LGSN: variants seen among roughly 807,000 people sequenced by gnomAD.
LGSN encodes the protein lengsin.
A neutral mutation model predicts 19.5 loss-of-function variants in LGSN; 21 were observed. The ratio of observed to expected loss-of-function variants is 1.07; its 90% confidence interval spans 0.76 to 1.55. The LOEUF (loss-of-function observed/expected upper bound fraction) is 1.55, where lower values mean the gene tolerates loss of function less well. LGSN is among the 40% of genes most tolerant of loss of function. The pLI is 0.00. For missense variants in LGSN, 673 were observed against 608.5 expected (o/e 1.11, Z -1.12); for synonymous variants, 257 against 215.6 (o/e 1.19, Z -1.68).
At chr6:63,540,071 C>T in the LGSN span, among the ~76,000 whole-genome samples, 2,262 of 152,216 alleles carry the variant, frequency 0.015, 46 homozygotes, top group African/African-American at 0.051. Flanking sequence ...TAGCTATGCA[C>T]CATGCCCCTG....
At chr6:63,495,697 G>A in the LGSN span, among the ~76,000 whole-genome samples, 3 of 151,752 alleles carry the variant, frequency 2.0e-5, no homozygotes, top group Admixed American at 1.3e-4. Flanking sequence ...AGATCTGCCC[G>A]TCTTAGCCTA....
At chr6:63,363,068 A>G in the LGSN span, among the ~76,000 whole-genome samples, 2 of 152,218 alleles carry the variant, frequency 1.3e-5, no homozygotes, top group African/African-American at 2.4e-5. Context: ...TCTGATAGTG[A>G]TACCCAGGCA....
At chr6:63,486,141 A>C in the LGSN span, among the ~76,000 whole-genome samples, 4 of 152,196 alleles carry the variant, frequency 2.6e-5, no homozygotes, top group African/African-American at 9.7e-5. Context: ...ATTATTGACA[A>C]AACTAATAAA....
At chr6:63,463,149 C>G in the LGSN span, among the ~76,000 whole-genome samples, 1 of 152,168 alleles carries the variant, frequency 6.6e-6, no homozygotes, top group Admixed American at 6.6e-5. Flanking sequence ...CTTAACCTCT[C>G]TGTATCTCTG....
At chr6:63,346,589 T>G in the LGSN span, among the ~76,000 whole-genome samples, 1 of 152,090 alleles carries the variant, frequency 6.6e-6, no homozygotes, top group African/African-American at 2.4e-5. Context: ...GCCACTCTAG[T>G]AAATGATTAA....
chr6:63,373,889 G>A, the LGSN span, among the ~76,000 whole-genome samples: 2 of 151,908 alleles, frequency 1.3e-5, no homozygotes, highest in Non-Finnish European at 2.9e-5. Flanking sequence ...GAGCCAAGAT[G>A]GGGCCACTGC....
At chr6:63,290,381 T>C (rs1767719768) in intron 2 of LGSN, among the ~76,000 whole-genome samples, 1 of 152,230 alleles carries the variant, frequency 6.6e-6, no homozygotes, top group Admixed American at 6.5e-5. Flanking sequence ...AATCCCTCTC[T>C]CTTTTGTAGC....
At chr6:63,411,909 A>G in the LGSN span, among the ~76,000 whole-genome samples, 2 of 152,206 alleles carry the variant, frequency 1.3e-5, no homozygotes, top group African/African-American at 4.8e-5. Flanking sequence ...TATTCAATGA[A>G]CATTTCGCAA....
the LGSN span, among the ~76,000 whole-genome samples, chr6:63,399,416 C>T: frequency 5.6e-5 from 8 of 142,250 alleles, no homozygotes; most frequent in East Asian, 2.0e-4. Context: ...TTTTTTGAGA[C>T]GGAGTTTCGC....
At chr6:63,457,767 T>A in the LGSN span, among the ~76,000 whole-genome samples, 1 of 151,556 alleles carries the variant, frequency 6.6e-6, no homozygotes, top group Non-Finnish European at 1.5e-5. Flanking sequence ...TAATCCCAGT[T>A]ACTCAGGAGG....
chr6:63,340,640 C>A, the LGSN span, among the ~76,000 whole-genome samples: 1 of 147,876 alleles, frequency 6.8e-6, no homozygotes, highest in African/African-American at 2.5e-5. Flanking sequence ...ATATCTATCT[C>A]TTTGTTGAAT....
chr6:63,430,007 A>G, the LGSN span, among the ~76,000 whole-genome samples: 1 of 152,246 alleles, frequency 6.6e-6, no homozygotes, highest in African/African-American at 2.4e-5. Flanking sequence ...TTTCCCGGAA[A>G]TGCCTATAAC....
chr6:63,439,038 G>C, the LGSN span, among the ~76,000 whole-genome samples: 1 of 152,190 alleles, frequency 6.6e-6, no homozygotes, highest in African/African-American at 2.4e-5. Context: ...AAAATGATGA[G>C]TTCATATCCT....
chr6:63,290,407 T>G lies in LGSN; in HGVS notation c.163+4506A>C, dbSNP rs148884016. ...CTTTTGTAGCTAAAACTAGAATATA[T>G]AAAACAATGACCACAAACTGTGGAG... On this transcript the variant is annotated intron_variant, in intron 2 of 3. Coordinates refer to ENST00000370657, the MANE Select transcript of LGSN (RefSeq NM_016571.3). Among the ~76,000 whole-genome samples the G allele has an allele frequency of 8.6e-3, 1,305 of 152,306 alleles. 23 individuals carry two copies. Among genetic ancestry groups the G allele is most frequent in the African/African-American group, 0.03 (1,242 of 41,568 alleles).
the LGSN span, among the ~76,000 whole-genome samples, chr6:63,529,938 A>T: frequency 6.6e-6 from 1 of 152,208 alleles, no homozygotes; most frequent in African/African-American, 2.4e-5. Context: ...ATATTTTGCC[A>T]TTACAAATAG....
chr6:63,397,451 G>GAA, the LGSN span, among the ~76,000 whole-genome samples: 8 of 127,326 alleles, frequency 6.3e-5, no homozygotes, highest in Admixed American at 2.5e-4. Flanking sequence ...CGGCTTGGGA[G>GAA]AAAAAAAAAA....
intron 1 of LGSN, among the ~76,000 whole-genome samples, chr6:63,308,962 C>T (rs1478855310): frequency 2.0e-5 from 3 of 152,138 alleles, no homozygotes; most frequent in Admixed American, 2.0e-4. Context: ...AATATCCGTA[C>T]CTATTAACCT....
chr6:63,375,236 G>C, the LGSN span, among the ~76,000 whole-genome samples: 3 of 151,974 alleles, frequency 2.0e-5, no homozygotes. Flanking sequence ...ATCCAGAGCT[G>C]ATAAAAAGCA....
the LGSN span, among the ~76,000 whole-genome samples, chr6:63,490,124 G>C: frequency 2.6e-5 from 4 of 152,156 alleles, no homozygotes; most frequent in African/African-American, 4.8e-5. Context: ...TCAAACACAT[G>C]TGCAAAAGAT....
Sources: allele counts gnomAD v4.1 joint callset (sites outside exome capture counted in the v4.1 genomes callset), GRCh38; gene constraint gnomAD v4.1.1; transcripts MANE v1.5; gene names NCBI Gene and HGNC (gene_info 2026-07-23, HGNC 2026-07-21).